TTC23: variants seen among roughly 807,000 people sequenced by gnomAD.
The protein encoded by TTC23 is tetratricopeptide repeat domain 23, also known as tetratricopeptide repeat protein 23.
A neutral mutation model predicts 55.1 loss-of-function variants in TTC23; 58 were observed. That is an observed-to-expected ratio of 1.05 (90% confidence interval 0.85 to 1.31). The LOEUF (loss-of-function observed/expected upper bound fraction) is 1.31. Among genes scored for constraint, TTC23 ranks in the 50% most tolerant of loss-of-function variants. The pLI is 0.00. For missense variants in TTC23, 516 were observed against 534.4 expected, an observed-to-expected ratio of 0.97 and a Z score of 0.34; for synonymous variants, 203 against 199.9, an observed-to-expected ratio of 1.02 and a Z score of -0.13.
At position 99,190,597 on chromosome 15, in the gene TTC23, A is replaced by G. The variant is rs1388200821; in HGVS notation, c.759+9322T>C. ...TATGTTTGTATGTATGTCTATATAG[A>G]TAGAGAAAACCAATGTGGCAAAATA... On this transcript the variant is annotated intron_variant, in intron 9 of 13. Coordinates refer to ENST00000394132, the MANE Select transcript of TTC23 (RefSeq NM_001288615.3). Among the ~76,000 whole-genome samples, 4 of 151,904 alleles carry G rather than the reference A, an allele frequency of 2.6e-5. No homozygotes were observed. The East Asian group carries it at 7.7e-4, about 29-fold the overall frequency.
chr15:99,163,237 C>T (rs867221145), intron 10 of TTC23, among the ~76,000 whole-genome samples: 58 of 152,132 alleles, frequency 3.8e-4, no homozygotes, highest in Admixed American at 2.8e-3. Flanking sequence ...TTATGGAAAG[C>T]ATGACAGAGA....
In TTC23 at chr15:99,180,995, T is replaced by C. The variant is rs4965452; in HGVS notation, c.760-5840A>G. 8.6e-3 allele frequency among the ~76,000 whole-genome samples: 1,302 copies of C among 152,170 alleles called. 17 individuals are homozygous for C. Among genetic ancestry groups the C allele is most frequent in the African/African-American group, 0.028 (1,156 of 41,468 alleles). On this transcript the variant is annotated intron_variant, in intron 9 of 13. Coordinates refer to ENST00000394132, the MANE Select transcript of TTC23 (RefSeq NM_001288615.3). ...ATTAAGCACCTTCTTCTGCCAGGTG[T>C]GGTACTAAATGAATTTTACCACTTA...
chr15:99,201,073 T>A (rs1029101728), intron 8 of TTC23, among the ~76,000 whole-genome samples: 21 of 152,250 alleles, frequency 1.4e-4, no homozygotes. Context: ...ATGTTAGCAA[T>A]ACTTATCTCT....
chr15:99,178,262 T>C, intron 9 of TTC23, among the ~76,000 whole-genome samples: 1 of 152,228 alleles, frequency 6.6e-6, no homozygotes. Flanking sequence ...TAAACATTTT[T>C]CTACATGAAA....
At chr15:99,226,683 T>C (rs1223628677) in intron 5 of TTC23, among the ~76,000 whole-genome samples, 4 of 152,100 alleles carry the variant, frequency 2.6e-5, no homozygotes, top group African/African-American at 9.7e-5. Context: ...GCCTACCCTG[T>C]AGATTTATGT....
intron 8 of TTC23, among the ~76,000 whole-genome samples, chr15:99,212,036 T>C (rs2077079029): frequency 6.6e-6 from 1 of 152,138 alleles, no homozygotes; most frequent in Non-Finnish European, 1.5e-5. Flanking sequence ...TGCTTAGAAA[T>C]ACTTGGGAGG....
At chr15:99,139,028 C>A (rs2067894422) in intron 13 of TTC23, 2 of 457,268 alleles carry the variant, frequency 4.4e-6, no homozygotes, top group Admixed American at 6.5e-5. Context: ...CACAGGGATT[C>A]CCGGGGCCCT....
At chr15:99,196,976 C>T (rs2075768891) in intron 9 of TTC23, among the ~76,000 whole-genome samples, 2 of 152,348 alleles carry the variant, frequency 1.3e-5, no homozygotes, top group South Asian at 4.1e-4. Flanking sequence ...CAGACCTTAC[C>T]ATGTGCTCTG....
At chr15:99,215,557 C>T (rs1004124513) in intron 8 of TTC23, among the ~76,000 whole-genome samples, 3 of 151,900 alleles carry the variant, frequency 2.0e-5, no homozygotes, top group Non-Finnish European at 4.4e-5. Flanking sequence ...CCAGGCTGGG[C>T]AACATAGCGA....
At chr15:99,153,045 T>C (rs1474691404) in intron 12 of TTC23, among the ~76,000 whole-genome samples, 3 of 152,136 alleles carry the variant, frequency 2.0e-5, no homozygotes, top group Non-Finnish European at 4.4e-5. Context: ...GTGGTCTGCC[T>C]TCCTTGGCCT....
intron 12 of TTC23, among the ~76,000 whole-genome samples, chr15:99,153,251 C>T (rs1268813454): frequency 1.3e-5 from 2 of 152,206 alleles, no homozygotes; most frequent in African/African-American, 4.8e-5. Flanking sequence ...ATATTTCTTC[C>T]TGGCTAGACT....
chr15:99,240,174 C>T (rs758346662), intron 3 of TTC23, among the ~76,000 whole-genome samples: 1 of 152,176 alleles, frequency 6.6e-6, no homozygotes, highest in Non-Finnish European at 1.5e-5. Flanking sequence ...TAGTGGGAGG[C>T]AGAAAAGAAA....
chr15:99,136,843 C>T lies in TTC23; in HGVS notation c.*1167G>A, dbSNP rs2067631140. 6.6e-6 allele frequency: 1 copy of T among 152,296 alleles called. No homozygotes were observed. The highest frequency in any genetic ancestry group is 6.5e-5 in the Admixed American group (1 of 15,282). The allele number at this position is 152,296 out of a possible 1,614,324, so 9.4% of individuals were successfully genotyped here. The stretch of plus-strand genomic sequence containing the variant: ...TACCAGCAAGCATGGTCTGTGGGGT[C>T]AGCTGTCACGCTCCTGAGGAAGACA... On this transcript the variant is annotated 3_prime_UTR_variant, in exon 14 of 14. Transcript: ENST00000394132.
At chr15:99,145,539 C>A (rs1376267813) in intron 12 of TTC23, among the ~76,000 whole-genome samples, 6 of 120,196 alleles carry the variant, frequency 5.0e-5, no homozygotes, top group Non-Finnish European at 6.8e-5. Flanking sequence ...ACAAACAGGG[C>A]AGGATGGGGA....
chr15:99,217,440 A>T (rs1321472382), intron 8 of TTC23, among the ~76,000 whole-genome samples: 2 of 152,234 alleles, frequency 1.3e-5, no homozygotes, highest in Non-Finnish European at 2.9e-5. Flanking sequence ...TACAGGCATG[A>T]GCCACTGTGC....
At chr15:99,140,218 T>A (rs2068067595) in intron 12 of TTC23, 1 of 154,862 alleles carries the variant, frequency 6.5e-6, no homozygotes, top group East Asian at 1.9e-4. Context: ...GGTGGGCTAG[T>A]CAATAAATGG....
intron 10 of TTC23, among the ~76,000 whole-genome samples, chr15:99,173,828 G>T (rs1219762388): frequency 1.3e-5 from 2 of 152,072 alleles, no homozygotes; most frequent in Non-Finnish European, 2.9e-5. Context: ...TGCTGCTGCT[G>T]GTTTCTGATA....
intron 8 of TTC23, among the ~76,000 whole-genome samples, chr15:99,207,985 T>C (rs2076757558): frequency 6.6e-6 from 1 of 152,202 alleles, no homozygotes; most frequent in Non-Finnish European, 1.5e-5. Flanking sequence ...CCTGCATATG[T>C]GCCCAAAGAG....
chr15:99,202,984 T>A (rs921233424), intron 8 of TTC23, among the ~76,000 whole-genome samples: 2 of 152,222 alleles, frequency 1.3e-5, no homozygotes, highest in African/African-American at 4.8e-5. Context: ...TCATATCTTT[T>A]ACTCTTTCTC....
Sources: gnomAD v4.1 joint callset for allele counts (sites outside exome capture counted in the v4.1 genomes callset) on GRCh38, gnomAD v4.1.1 for gene constraint, MANE v1.5 for transcripts, NCBI Gene and HGNC (gene_info 2026-07-23, HGNC 2026-07-21) for gene names.